Variants in CD28 observed in about 807,000 individuals in gnomAD.
CD28 encodes CD28 molecule.
Under a neutral mutation model 21.4 loss-of-function variants are expected in CD28, and 8 were observed. The observed-to-expected ratio is 0.37, with a 90% confidence interval of 0.22 to 0.68. The LOEUF is 0.68. Ranked by LOEUF, CD28 falls within the 30% of genes least tolerant of loss-of-function variation. The pLI, the probability that CD28 is intolerant of heterozygous loss-of-function variation, is 0.55. For missense variants in CD28, 239 were observed against 272.2 expected (o/e 0.88, Z 0.86); for synonymous variants, 106 against 104.0 (o/e 1.02, Z -0.12).
At chr2:203,724,144 C>T (rs3115965) in intron 1 of CD28, among the ~76,000 whole-genome samples, 117,571 of 152,094 alleles carry the variant, frequency 0.77, 45,612 homozygotes, top group East Asian at 0.92. Flanking sequence ...AGCCACATAT[C>T]GTATGATTCT....
intron 3 of CD28, 62 bp from the exon 4 acceptor site, chr2:203,734,722 C>T: frequency 6.3e-7 from 1 of 1,589,890 alleles, no homozygotes; most frequent in Non-Finnish European, 8.6e-7. Context: ...TAGTTGTGCC[C>T]ACAGTCTTAG....
rs751287036 is a variant in CD28, at chr2:203,729,742, G to T, written c.504G>T (p.Leu168Phe). ...VVGGVLACYS[L>F]LVTVAFIIFW... Reference sequence around the variant, plus strand: ...GTGGAGTCCTGGCTTGCTATAGCTTGCTAGTAACAGTGGCCTTTATTATTT... The same window carrying T: ...GTGGAGTCCTGGCTTGCTATAGCTTTCTAGTAACAGTGGCCTTTATTATTT... Residue 168 changes from leucine to phenylalanine, a missense_variant, in exon 3 of 4, where the codon TTG (leucine) becomes TTT (phenylalanine). Around this residue, in one of 3 missense-constraint regions of CD28, gnomAD observed 112 missense variants for 112.8 expected, o/e 0.99. Transcript: ENST00000324106. 1.9e-6 allele frequency: 3 copies of T among 1,614,050 alleles called. No homozygotes were observed. Among genetic ancestry groups the T allele is most frequent in the Non-Finnish European group, 2.5e-6 (3 of 1,179,956 alleles).
chr2:203,734,479 G>A (rs1289252511), intron 3 of CD28, among the ~76,000 whole-genome samples: 4 of 152,246 alleles, frequency 2.6e-5, no homozygotes, highest in Non-Finnish European at 5.9e-5. Flanking sequence ...GGGCCTTCAA[G>A]TGTATTTACA....
At chr2:203,727,583 C>G (rs1367794714) in intron 2 of CD28, among the ~76,000 whole-genome samples, 1 of 151,520 alleles carries the variant, frequency 6.6e-6, no homozygotes, top group African/African-American at 2.4e-5. Flanking sequence ...GGGTTCACGT[C>G]ATTCTCCTGC....
At chr2:203,716,158 A>G (rs1051283794) in intron 1 of CD28, among the ~76,000 whole-genome samples, 4 of 152,018 alleles carry the variant, frequency 2.6e-5, no homozygotes, top group Non-Finnish European at 4.4e-5. Flanking sequence ...ACCTGTTTCC[A>G]TCCTACATAA....
intron 3 of CD28, among the ~76,000 whole-genome samples, chr2:203,733,217 G>A (rs1353730734): frequency 6.6e-6 from 1 of 152,172 alleles, no homozygotes; most frequent in Non-Finnish European, 1.5e-5. Context: ...TGCATTGTAG[G>A]ATGTTTAGCA....
chr2:203,734,508 T>C (rs2106125948), intron 3 of CD28, among the ~76,000 whole-genome samples: 1 of 152,310 alleles, frequency 6.6e-6, no homozygotes, highest in South Asian at 2.1e-4. Flanking sequence ...GTGGATATGT[T>C]AATTAGTGTG....
rs543430252 is a variant in CD28, at chr2:203,737,067, T to C, written c.*2155T>C. 1.3e-5 allele frequency: 2 copies of C among 152,362 alleles called. No homozygotes were observed. Among genetic ancestry groups the C allele is most frequent in the South Asian group, 2.1e-4 (1 of 4,828 alleles). The allele number at this position is 152,362 out of a possible 1,614,324, so 9.4% of individuals were successfully genotyped here. On this transcript the variant is annotated 3_prime_UTR_variant, in exon 4 of 4. Coordinates refer to ENST00000324106, the MANE Select transcript of CD28 (RefSeq NM_006139.4). ...TTAACTTCCATCATTTTCCTGTTTC[T>C]TGAAATAGTTTATCTTGTAATGAAA... is the stretch of plus-strand genomic sequence containing the variant.
intron 3 of CD28, among the ~76,000 whole-genome samples, chr2:203,729,988 G>A (rs1360664993): frequency 1.3e-5 from 2 of 152,254 alleles, no homozygotes; most frequent in South Asian, 2.1e-4. Flanking sequence ...TGAGTAGGTG[G>A]TGAGGCAAAA....
intron 1 of CD28, among the ~76,000 whole-genome samples, chr2:203,709,607 C>T (rs141423061): frequency 8.3e-4 from 127 of 152,230 alleles, no homozygotes; most frequent in African/African-American, 2.6e-3. Flanking sequence ...GATAATTGTG[C>T]AACTGAGATC....
At chr2:203,725,190 TG>T (rs1228229533) in intron 1 of CD28, among the ~76,000 whole-genome samples, 1 of 151,406 alleles carries the variant, frequency 6.6e-6, no homozygotes, top group African/African-American at 2.4e-5. Flanking sequence ...CTCGGGAGGC[TG>T]AGGCAGGAGA....
chr2:203,738,687 T>C lies in CD28; in HGVS notation c.*3775T>C, dbSNP rs1266083378. ...GCTTGCCTCGTCACCCTTCAGGTCC[T>C]TGCTCAAGTGTCATCTTCTCCCCTA... On this transcript the variant is annotated 3_prime_UTR_variant, in exon 4 of 4. Coordinates refer to ENST00000324106, the MANE Select transcript of CD28 (RefSeq NM_006139.4). The C allele has an allele frequency of 6.6e-6, 1 of 152,244 alleles. No homozygotes were observed. The highest frequency in any genetic ancestry group is 1.5e-5 in the Non-Finnish European group (1 of 68,050). The allele number at this position is 152,244 out of a possible 1,614,324, so 9.4% of individuals were successfully genotyped here.
rs189677555 is a variant in CD28, at chr2:203,712,324, G to A, written c.52+5576G>A. ...GTTGAGTAGGTTATATATAATAGGA[G>A]GATGTAACATCTGGAAACAGATAAA... On this transcript the variant is annotated intron_variant, in intron 1 of 3. Coordinates refer to ENST00000324106, the MANE Select transcript of CD28 (RefSeq NM_006139.4). Among the ~76,000 whole-genome samples the A allele has an allele frequency of 4.7e-3, 721 of 152,238 alleles. 4 individuals are homozygous for A. Among genetic ancestry groups the A allele is most frequent in the African/African-American group, 0.016 (683 of 41,538 alleles).
chr2:203,713,266 A>C (rs1380603996), intron 1 of CD28, among the ~76,000 whole-genome samples: 1 of 152,186 alleles, frequency 6.6e-6, no homozygotes, highest in Non-Finnish European at 1.5e-5. Flanking sequence ...TAAGAAGAAA[A>C]TATTTCAGAA....
rs1694058579 is a variant in CD28 at position 203,737,129 on chromosome 2, T to G, written c.*2217T>G. 6.6e-6 allele frequency: 1 copy of G among 152,006 alleles called. No homozygotes were observed. The highest frequency in any genetic ancestry group is 1.5e-5 in the Non-Finnish European group (1 of 67,988). The allele number at this position is 152,006 out of a possible 1,614,324, so 9.4% of individuals were successfully genotyped here. ...TCCCACTTTTATGTATAGAAAGAGG[T>G]CTTTTAATTTTTTTTTAATGTGAGA... On this transcript the variant is annotated 3_prime_UTR_variant, in exon 4 of 4. Transcript: ENST00000324106.
chr2:203,707,498 C>A (rs566150193), intron 1 of CD28, among the ~76,000 whole-genome samples: 1 of 152,148 alleles, frequency 6.6e-6, no homozygotes, highest in Non-Finnish European at 1.5e-5. Flanking sequence ...TCTGGAGTCA[C>A]CACAGAAGCT....
chr2:203,726,111 T>C (rs952160260), intron 1 of CD28, among the ~76,000 whole-genome samples: 2 of 152,080 alleles, frequency 1.3e-5, no homozygotes, highest in Admixed American at 1.3e-4. Context: ...CTTAAGAGAC[T>C]GAGGCAGGAG....
chr2:203,727,912 C>T (rs535662666), intron 2 of CD28, among the ~76,000 whole-genome samples: 30 of 152,258 alleles, frequency 2.0e-4, no homozygotes, highest in African/African-American at 7.0e-4. Context: ...TTCCTGACCT[C>T]GTGACCCGCC....
intron 2 of CD28, 64 bp downstream of exon 2, chr2:203,727,053 C>G: frequency 9.7e-7 from 1 of 1,036,226 alleles, no homozygotes; most frequent in Non-Finnish European, 1.5e-6. Flanking sequence ...GTCCTGAAAA[C>G]TGGGTTGTGG....
Sources: allele counts gnomAD v4.1 joint callset (sites outside exome capture counted in the v4.1 genomes callset), GRCh38; gene constraint gnomAD v4.1.1; regional missense constraint gnomAD v4.1.1; transcripts MANE v1.5; gene names NCBI Gene and HGNC (gene_info 2026-07-23, HGNC 2026-07-21).